The following ACTN1 variants were observed in gnomAD, a reference collection of about 807,000 sequenced individuals.
ACTN1 encodes the protein alpha-actinin-1.
In ACTN1, 30 loss-of-function variants were observed where a neutral mutation model predicts 119.6. The observed-to-expected ratio is 0.25, with a 90% CI of 0.19 to 0.34. ACTN1 has a LOEUF of 0.34. ACTN1 is among the 10% of genes least tolerant of loss of function. ACTN1 has a pLI of 1.00. For missense variants in ACTN1, 764 were observed against 1,223.4 expected, an observed-to-expected ratio of 0.62 and a Z score of 5.60; for synonymous variants, 429 against 472.6, an observed-to-expected ratio of 0.91 and a Z score of 1.20.
rs937362483 is a variant in ACTN1, at chr14:68,874,666, CTTT to C, written c.*190_*192del. ...TGTAGTTTTTTGGTTTTTAACGTAACTTTTTTTTCTTTTTTGCAGAAAATAATT... is the reference window on the plus strand; with the variant it reads ...TGTAGTTTTTTGGTTTTTAACGTAACTTTTTCTTTTTTGCAGAAAATAATT... On this transcript the variant is annotated 3_prime_UTR_variant, in exon 22 of 22. Coordinates refer to ENST00000394419, the MANE Select transcript of ACTN1 (RefSeq NM_001130004.2). The C allele has an allele frequency of 2.1e-6, 1 of 469,822 alleles. No individual in the cohort carries two copies. The highest frequency in any genetic ancestry group is 3.4e-6 in the Non-Finnish European group (1 of 291,204). 29.1% of individuals were successfully genotyped at this position (469,822 alleles called of 1,614,324 possible).
intron 1 of ACTN1, among the ~76,000 whole-genome samples, chr14:68,954,690 TG>T (rs1307644336): frequency 6.6e-6 from 1 of 152,144 alleles, no homozygotes; most frequent in Non-Finnish European, 1.5e-5. Flanking sequence ...GACACACTCC[TG>T]GGGGGTGAAA....
intron 1 of ACTN1, among the ~76,000 whole-genome samples, chr14:68,954,132 C>A (rs193286899): frequency 1.3e-5 from 2 of 151,948 alleles, no homozygotes; most frequent in Non-Finnish European, 2.9e-5. Context: ...TAGTGTTCTC[C>A]GACTTTCAAC....
At chr14:68,914,574 G>A (rs956446448) in intron 3 of ACTN1, among the ~76,000 whole-genome samples, 13 of 152,156 alleles carry the variant, frequency 8.5e-5, no homozygotes, top group African/African-American at 1.4e-4. Context: ...AAGACCAGCC[G>A]GGGCAACATA....
intron 1 of ACTN1, among the ~76,000 whole-genome samples, chr14:68,969,976 T>G (rs1048699379): frequency 2.6e-5 from 4 of 152,072 alleles, no homozygotes; most frequent in African/African-American, 9.7e-5. Context: ...TACAGATGAT[T>G]TGAAAATAGA....
In ACTN1 at chr14:68,879,125, T is replaced by A. The variant is rs112075717; in HGVS notation, c.2281-56A>T. 7.7e-7 allele frequency: 1 copy of A among 1,304,166 alleles called. No homozygotes were observed. Among genetic ancestry groups the A allele is most frequent in the African/African-American group, 1.6e-5 (1 of 61,142 alleles). 80.8% of individuals were successfully genotyped at this position (1,304,166 alleles called of 1,614,324 possible). A position where few individuals can be genotyped will look rare whatever the true frequency, so the allele number is the denominator to read the frequency against. On this transcript the variant is annotated intron_variant, in intron 18 of 21. Transcript: ENST00000394419. This position sits in a 1 kb window ranked among gnomAD's most constrained non-coding sequence, Gnocchi z 4.9. ...ATGCGGTGTCAGGGAGGTGGAGCCG[T>A]GAGGGGGGCATGCCCCGGGGGAGGG...
rs147072728 is a variant in ACTN1 at position 68,884,234 on chromosome 14, G to A, written c.1569C>T (p.Asn523=). ...GGTCCTCCATGGCCCCCTCCATCCAGTTGTTGAAGGGTGCAGCCCGCTTGG... is the reference window on the plus strand; with the variant it reads ...GGTCCTCCATGGCCCCCTCCATCCAATTGTTGAAGGGTGCAGCCCGCTTGG... ...EYAKRAAPFN[N]WMEGAMEDLQ... Residue 523 remains asparagine, a synonymous_variant, in exon 14 of 22, where the codon AAC becomes AAT. Transcript: ENST00000394419. 1.7e-4 allele frequency: 276 copies of A among 1,614,126 alleles called. 1 individual carries two copies. Among genetic ancestry groups the A allele is most frequent in the Admixed American group, 1.2e-3 (73 of 60,030 alleles).
Position 68,880,939 on chromosome 14 carries a change from G to A in ACTN1, c.2004C>T (p.Leu668=), listed in dbSNP as rs756780441. The A allele has an allele frequency of 6.2e-7, 1 of 1,614,116 alleles. No individual in the cohort carries two copies. The highest frequency in any genetic ancestry group is 2.2e-5 in the East Asian group (1 of 44,874). Residue 668 remains leucine (L), a synonymous_variant, in exon 17 of 22, where the codon CTC becomes CTT. Transcript: ENST00000394419. This position sits in a 1 kb window ranked among gnomAD's most constrained non-coding sequence, Gnocchi z 4.6. The part of the protein sequence containing the change: ...IEMHGTLEDQ[L]SHLRQYEKSI... ...TCTTCTCATACTGCCGCAGGTGGCT[G>A]AGCTGGTCCTCCAGGGTCCCATGCA...
chr14:68,959,470 C>T (rs1044585965), intron 1 of ACTN1, among the ~76,000 whole-genome samples: 6 of 152,228 alleles, frequency 3.9e-5, no homozygotes, highest in Admixed American at 1.3e-4. Flanking sequence ...TTCTCGTGAA[C>T]TGGTATACTT....
At chr14:68,910,752 T>C (rs2033961613) in intron 4 of ACTN1, among the ~76,000 whole-genome samples, 1 of 152,148 alleles carries the variant, frequency 6.6e-6, no homozygotes, top group African/African-American at 2.4e-5. Flanking sequence ...CGGTGGGAGA[T>C]GATTGAGTCG....
intron 8 of ACTN1, among the ~76,000 whole-genome samples, chr14:68,898,677 T>C (rs2033053592): frequency 6.6e-6 from 1 of 152,024 alleles, no homozygotes; most frequent in African/African-American, 2.4e-5. Context: ...AGCAGTCACC[T>C]TAGAAGTGGT....
chr14:68,950,462 G>GTGTGTGTGTGTGTATATATATATATA, intron 1 of ACTN1, among the ~76,000 whole-genome samples: 64 of 125,936 alleles, frequency 5.1e-4, no homozygotes, highest in East Asian at 3.7e-3. Context: ...ATGCGTGTGT[G>GTGTGTGTGTGTGTATATATATATATA]TATATATATA....
chr14:68,891,050 C>A (rs901620800), intron 10 of ACTN1, among the ~76,000 whole-genome samples: 1 of 152,184 alleles, frequency 6.6e-6, no homozygotes, highest in Non-Finnish European at 1.5e-5. Flanking sequence ...GCCTTGGAGC[C>A]CCGAAATGAC....
intron 2 of ACTN1, among the ~76,000 whole-genome samples, chr14:68,923,921 G>A (rs1354499169): frequency 6.6e-6 from 1 of 152,094 alleles, no homozygotes; most frequent in Admixed American, 6.6e-5. Context: ...ACATACAATG[G>A]AATACGATTC....
In ACTN1 at chr14:68,885,499, A is replaced by G. The variant is rs756032771; in HGVS notation, c.1311T>C (p.His437=). 1.2e-6 allele frequency: 2 copies of G among 1,614,078 alleles called. No individual in the cohort carries two copies. The highest frequency in any genetic ancestry group is 2.2e-5 in the East Asian group (1 of 44,866). ...LSEIKALLKK[H]EAFESDLAAH... Reference sequence around the variant, plus strand: ...CAGCCAGGTCACTCTCGAAGGCCTCATGCTTCTTGAGCAGGGCCTTGATCT... The same window carrying G: ...CAGCCAGGTCACTCTCGAAGGCCTCGTGCTTCTTGAGCAGGGCCTTGATCT... The change falls in exon 12 of 22, where the codon CAT becomes CAC. Residue 437 remains histidine, a synonymous_variant. Transcript: ENST00000394419. This position sits in a 1 kb window ranked among gnomAD's most constrained non-coding sequence, Gnocchi z 5.6.
rs562987427 is a variant in ACTN1, at chr14:68,901,254, T to G, written c.762+1223A>C. On this transcript the variant is annotated intron_variant, in intron 8 of 21. Transcript: ENST00000394419. ...TTTTGTTTTGTTTTTGTTTTGTTTT[T>G]TTTTTTTTTTTGAGACAGAGTCTGA... Among the ~76,000 whole-genome samples, 737 of 144,726 alleles carry G rather than the reference T, an allele frequency of 5.1e-3. 6 individuals carry two copies. The highest frequency in any genetic ancestry group is 0.016 in the African/African-American group (615 of 39,028). The allele number at this position is 144,726 out of a possible 152,430, so 94.9% of individuals were successfully genotyped here. A position where few individuals can be genotyped will look rare whatever the true frequency, so the allele number is the denominator to read the frequency against.
chr14:68,953,841 G>A (rs148865026), intron 1 of ACTN1, among the ~76,000 whole-genome samples: 22 of 149,946 alleles, frequency 1.5e-4, no homozygotes, highest in East Asian at 5.9e-4. Context: ...AGCCAAGATC[G>A]CGCCACTGCA....
chr14:68,895,068 C>T (rs2032774282), intron 8 of ACTN1, among the ~76,000 whole-genome samples: 1 of 151,900 alleles, frequency 6.6e-6, no homozygotes, highest in Non-Finnish European at 1.5e-5. Flanking sequence ...ATCCTAAAGG[C>T]CTTGTCAGAA....
intron 11 of ACTN1, 51 bp downstream of exon 11, chr14:68,890,088 G>GA: frequency 6.3e-7 from 1 of 1,595,466 alleles, no homozygotes; most frequent in East Asian, 2.3e-5. Context: ...CTGGGCTGAA[G>GA]AGTAGGGAAG....
At chr14:68,918,690 T>C (rs1326176879) in intron 3 of ACTN1, among the ~76,000 whole-genome samples, 1 of 150,906 alleles carries the variant, frequency 6.6e-6, no homozygotes, top group African/African-American at 2.4e-5. Flanking sequence ...GGTCAGGAGA[T>C]AGAGACCATC....
Sources: allele counts gnomAD v4.1 joint callset (sites outside exome capture counted in the v4.1 genomes callset), GRCh38; gene constraint gnomAD v4.1.1; non-coding constraint Gnocchi (gnomAD v3.1); transcripts MANE v1.5; gene names NCBI Gene and HGNC (gene_info 2026-07-23, HGNC 2026-07-21).